CHLSN: variants seen among roughly 807,000 people sequenced by gnomAD.
The protein encoded by CHLSN is protein cholesin.
the CHLSN span, among the ~76,000 whole-genome samples, chr7:1,083,214 A>G: frequency 6.6e-6 from 1 of 152,250 alleles, no homozygotes; most frequent in African/African-American, 2.4e-5. Context: ...AAAACTGCCA[A>G]TGCCTTGTAG....
At chr7:1,128,905 C>G in the CHLSN span, among the ~76,000 whole-genome samples, 1 of 3,436 alleles carries the variant, frequency 2.9e-4, no homozygotes, top group Non-Finnish European at 5.2e-4. Context: ...GCAGTGGCGC[C>G]ATCTCGGCTC....
chr7:998,337 C>G, the CHLSN span, among the ~76,000 whole-genome samples: 1 of 152,088 alleles, frequency 6.6e-6, no homozygotes, highest in South Asian at 2.1e-4. Context: ...CAACACTGGG[C>G]TCTTTTTATT....
the CHLSN span, chr7:1,057,358 G>A: frequency 5.1e-6 from 3 of 594,010 alleles, no homozygotes; most frequent in Non-Finnish European, 3.0e-6. Context: ...TCACAGAAAT[G>A]CACCAAAGGC....
chr7:1,003,309 GA>G, the CHLSN span, among the ~76,000 whole-genome samples: 1 of 19,550 alleles, frequency 5.1e-5, no homozygotes. Flanking sequence ...TCCTGTGGGT[GA>G]GTGGAGTCCT....
the CHLSN span, chr7:984,426 C>G: frequency 6.5e-7 from 1 of 1,548,234 alleles, no homozygotes; most frequent in South Asian, 1.2e-5. Context: ...CAGAACGCTA[C>G]GGGCCGGTGT....
chr7:1,065,117 C>T, the CHLSN span, among the ~76,000 whole-genome samples: 1 of 152,198 alleles, frequency 6.6e-6, no homozygotes, highest in Non-Finnish European at 1.5e-5. Flanking sequence ...CCATCCTGTT[C>T]TAGGGGCCAC....
At chr7:1,042,892 T>C in the CHLSN span, among the ~76,000 whole-genome samples, 1 of 152,098 alleles carries the variant, frequency 6.6e-6, no homozygotes, top group Admixed American at 6.5e-5. Flanking sequence ...TACCCCTGGG[T>C]TCAAATCCTG....
the CHLSN span, among the ~76,000 whole-genome samples, chr7:1,003,446 T>G: frequency 1.8e-5 from 1 of 55,326 alleles, no homozygotes; most frequent in Non-Finnish European, 3.4e-5. Context: ...GTCCTGCGGG[T>G]GGGGAGTCCT....
At chr7:1,136,398 A>AAACATATAT in the CHLSN span, among the ~76,000 whole-genome samples, 2 of 111,992 alleles carry the variant, frequency 1.8e-5, no homozygotes, top group Non-Finnish European at 3.3e-5. Flanking sequence ...ACATATATAT[A>AAACATATAT]AATATATATA....
the CHLSN span, among the ~76,000 whole-genome samples, chr7:990,622 GGCT>G: frequency 7.2e-5 from 11 of 152,008 alleles, no homozygotes; most frequent in African/African-American, 2.4e-4. Flanking sequence ...TCATGGGTGG[GGCT>G]GCTGCTACGG....
the CHLSN span, among the ~76,000 whole-genome samples, chr7:1,116,348 T>C: frequency 7.3e-6 from 1 of 136,226 alleles, no homozygotes; most frequent in Non-Finnish European, 1.5e-5. Context: ...TGCAGGATGA[T>C]GACATCACTA....
At chr7:1,121,992 G>A in the CHLSN span, among the ~76,000 whole-genome samples, 1 of 152,214 alleles carries the variant, frequency 6.6e-6, no homozygotes, top group Non-Finnish European at 1.5e-5. Context: ...GAGCCCTCAT[G>A]GTCCTTACAC....
chr7:1,058,205 G>A, the CHLSN span: 7,980 of 748,662 alleles, frequency 0.011, 63 homozygotes, highest in Non-Finnish European at 0.016. Context: ...TGGAGCCCTC[G>A]GCACACAGGC....
the CHLSN span, among the ~76,000 whole-genome samples, chr7:1,010,381 C>A: frequency 6.6e-6 from 1 of 152,224 alleles, no homozygotes; most frequent in African/African-American, 2.4e-5. Context: ...GGATTAACTG[C>A]CCAGAGGCCC....
At chr7:978,910 C>T in the CHLSN span, among the ~76,000 whole-genome samples, 65 of 152,378 alleles carry the variant, frequency 4.3e-4, 1 homozygote, top group Admixed American at 1.2e-3. Flanking sequence ...GATCCACTCA[C>T]GATGGCACAC....
the CHLSN span, among the ~76,000 whole-genome samples, chr7:1,112,707 A>G: frequency 1.6e-5 from 2 of 126,940 alleles, no homozygotes; most frequent in Non-Finnish European, 3.1e-5. Context: ...CAAATGGCTA[A>G]AAAAAAAAAA....
At chr7:1,134,583 A>AATAC in the CHLSN span, among the ~76,000 whole-genome samples, 12 of 146,974 alleles carry the variant, frequency 8.2e-5, no homozygotes, top group East Asian at 2.4e-3. Context: ...TAAATAAATA[A>AATAC]ATAGGCCGGG....
the CHLSN span, among the ~76,000 whole-genome samples, chr7:987,982 G>T: frequency 3.9e-5 from 4 of 102,044 alleles, no homozygotes; most frequent in East Asian, 1.6e-3. Flanking sequence ...TGTCCTGGGG[G>T]GGTCCCCTCT....
At chr7:1,136,621 TAAAA>T in the CHLSN span, among the ~76,000 whole-genome samples, 9 of 143,932 alleles carry the variant, frequency 6.3e-5, no homozygotes, top group Non-Finnish European at 7.5e-5. Flanking sequence ...TATAAATATA[TAAAA>T]ATAAATATAT....
Sources: gnomAD v4.1 joint callset for allele counts (sites outside exome capture counted in the v4.1 genomes callset) on GRCh38, gnomAD v4.1.1 for gene constraint, MANE v1.5 for transcripts, NCBI Gene and HGNC (gene_info 2026-07-23, HGNC 2026-07-21) for gene names.